The following SAMMSON variants were observed in gnomAD, a reference collection of about 807,000 sequenced individuals.
SAMMSON encodes the protein survival associated mitochondrial melanoma specific oncogenic non-coding RNA.
intron 4 of SAMMSON, among the ~76,000 whole-genome samples, chr3:70,083,886 T>C (rs2067276389): frequency 6.6e-6 from 1 of 152,156 alleles, no homozygotes; most frequent in Non-Finnish European, 1.5e-5. Context: ...AGTGAAACTG[T>C]AAGCTGCATT....
At chr3:70,313,138 G>A (rs184946343) in intron 7 of SAMMSON, among the ~76,000 whole-genome samples, 33 of 152,174 alleles carry the variant, frequency 2.2e-4, no homozygotes, top group Non-Finnish European at 4.0e-4. Context: ...ACATTCCAAA[G>A]ATGATATGTC....
intron 4 of SAMMSON, among the ~76,000 whole-genome samples, chr3:70,224,533 G>C (rs1338651948): frequency 6.6e-6 from 1 of 152,162 alleles, no homozygotes; most frequent in Non-Finnish European, 1.5e-5. Context: ...ACCCTGCAGA[G>C]GATACATTTA....
intron 7 of SAMMSON, among the ~76,000 whole-genome samples, chr3:70,351,131 A>G (rs1008423993): frequency 3.3e-5 from 5 of 152,086 alleles, no homozygotes; most frequent in African/African-American, 1.2e-4. Context: ...TTTGAATTTC[A>G]CAGATAAAGA....
chr3:70,391,954 C>A (rs1237382977), downstream of SAMMSON, among the ~76,000 whole-genome samples: 1 of 152,096 alleles, frequency 6.6e-6, no homozygotes, highest in African/African-American at 2.4e-5. Flanking sequence ...ATGCCAAATA[C>A]TCACATGTTA....
intron 4 of SAMMSON, among the ~76,000 whole-genome samples, chr3:70,208,451 G>T (rs538449119): frequency 2.0e-5 from 3 of 152,112 alleles, no homozygotes; most frequent in East Asian, 1.9e-4. Context: ...TAAGGCAATG[G>T]GTTCTAGACT....
rs138392827 is a variant in SAMMSON, at chr3:70,091,959, A to T, written n.507+20394A>T. On this transcript the variant is annotated intron_variant and non_coding_transcript_variant, in intron 4 of 9. Coordinates refer to ENST00000642114, the Ensembl canonical transcript of SAMMSON. ...TTCAGTTCATACACGAAGTAAAGGA[A>T]ATTAAGGGGTTTTTTTTGTTTTGTT... Among the ~76,000 whole-genome samples, 926 of 152,252 alleles carry T rather than the reference A, an allele frequency of 6.1e-3. 3 individuals carry two copies. Among genetic ancestry groups the T allele is most frequent in the Non-Finnish European group, 8.6e-3 (586 of 68,010 alleles).
At position 70,246,502 on chromosome 3, in the gene SAMMSON, A is replaced by G. The variant is rs1701709264; in HGVS notation, n.508-2605A>G. ...GATGGGCATCACTATACATAGGGCT[A>G]TCAGACTTATCAAACAGAAACACGA... On this transcript the variant is annotated intron_variant and non_coding_transcript_variant, in intron 4 of 9. Transcript: ENST00000642114. 2.0e-5 allele frequency among the ~76,000 whole-genome samples: 3 copies of G among 152,206 alleles called. No individual in the cohort carries two copies. The South Asian group carries it at 6.2e-4, about 32-fold the overall frequency.
At chr3:70,394,867 T>A (rs571481539) in intron 2 of SAMMSON, among the ~76,000 whole-genome samples, 1 of 152,194 alleles carries the variant, frequency 6.6e-6, no homozygotes, top group African/African-American at 2.4e-5. Context: ...AAATGCAGCA[T>A]TGTAAAACAA....
chr3:70,347,261 T>G (rs1164231246), intron 7 of SAMMSON, among the ~76,000 whole-genome samples: 1 of 152,262 alleles, frequency 6.6e-6, no homozygotes, highest in African/African-American at 2.4e-5. Context: ...AGATTTTATT[T>G]AAGCAAAGCT....
intron 4 of SAMMSON, among the ~76,000 whole-genome samples, chr3:70,121,687 C>T (rs1184427811): frequency 6.6e-6 from 1 of 152,104 alleles, no homozygotes; most frequent in African/African-American, 2.4e-5. Flanking sequence ...ACACAGCAAA[C>T]AAACAAAATA....
chr3:70,194,266 G>A (rs1000923708), intron 4 of SAMMSON, among the ~76,000 whole-genome samples: 1 of 152,102 alleles, frequency 6.6e-6, no homozygotes, highest in African/African-American at 2.4e-5. Context: ...AGAATACTCT[G>A]TTCCCTGAGA....
At chr3:70,057,568 T>C (rs1225359560) in intron 3 of SAMMSON, among the ~76,000 whole-genome samples, 1 of 152,046 alleles carries the variant, frequency 6.6e-6, no homozygotes, top group Non-Finnish European at 1.5e-5. Flanking sequence ...AAACTGTAGC[T>C]AATTTTTCCT....
chr3:70,088,848 A>T (rs1297609595), intron 4 of SAMMSON, among the ~76,000 whole-genome samples: 1 of 152,210 alleles, frequency 6.6e-6, no homozygotes, highest in Non-Finnish European at 1.5e-5. Flanking sequence ...TAGAGATGAT[A>T]AGAAAATATG....
At chr3:70,316,028 T>C (rs756112193) in intron 7 of SAMMSON, among the ~76,000 whole-genome samples, 1 of 152,178 alleles carries the variant, frequency 6.6e-6, no homozygotes, top group African/African-American at 2.4e-5. Flanking sequence ...TAACTGCAAA[T>C]GTACACTTCT....
intron 2 of SAMMSON, among the ~76,000 whole-genome samples, chr3:70,421,997 C>A (rs1016480249): frequency 2.6e-5 from 4 of 151,922 alleles, no homozygotes; most frequent in Non-Finnish European, 5.9e-5. Flanking sequence ...CCACAAGTAA[C>A]ATGAAGGTGA....
chr3:70,065,833 C>T (rs1445505289), intron 3 of SAMMSON, among the ~76,000 whole-genome samples: 1 of 152,120 alleles, frequency 6.6e-6, no homozygotes, highest in East Asian at 1.9e-4. Context: ...CCAGAACTGC[C>T]CACTCCATCC....
At chr3:70,316,691 A>G (rs952060233) in intron 7 of SAMMSON, among the ~76,000 whole-genome samples, 1 of 152,116 alleles carries the variant, frequency 6.6e-6, no homozygotes, top group African/African-American at 2.4e-5. Flanking sequence ...AGGTAAATAA[A>G]CCAAGAAGAA....
intron 4 of SAMMSON, chr3:70,125,213 G>C (rs1012103810): frequency 7.0e-6 from 10 of 1,418,572 alleles, no homozygotes; most frequent in Non-Finnish European, 1.0e-5. Context: ...TCCAATGGAA[G>C]CTTGTCCTTT....
At chr3:70,337,881 C>CTTAA (rs1702677976) in intron 7 of SAMMSON, among the ~76,000 whole-genome samples, 1 of 151,622 alleles carries the variant, frequency 6.6e-6, no homozygotes, top group South Asian at 2.1e-4. Flanking sequence ...TAATCTTAAA[C>CTTAA]ATTTTATATT....
Sources: allele counts gnomAD v4.1 joint callset (sites outside exome capture counted in the v4.1 genomes callset), GRCh38; gene constraint gnomAD v4.1.1; transcripts MANE v1.5; gene names NCBI Gene and HGNC (gene_info 2026-07-23, HGNC 2026-07-21).